The following DRD2 variants were observed in gnomAD, a reference collection of about 807,000 sequenced individuals.
DRD2 encodes the protein D(2) dopamine receptor.
Under a neutral mutation model 38.0 loss-of-function variants are expected in DRD2, and 8 were observed. That is an observed-to-expected ratio of 0.21 (90% CI 0.12 to 0.38). DRD2 has a LOEUF of 0.38. Ranked by LOEUF, DRD2 falls within the 10% of genes least tolerant of loss-of-function variation. The pLI, the probability that DRD2 is intolerant of heterozygous loss-of-function variation, is 1.00. For missense variants in DRD2, 403 were observed against 607.7 expected, an observed-to-expected ratio of 0.66 and a Z score of 3.54; for synonymous variants, 230 against 238.6, an observed-to-expected ratio of 0.96 and a Z score of 0.33.
intron 1 of DRD2, among the ~76,000 whole-genome samples, chr11:113,448,278 G>A (rs1951172455): frequency 6.6e-6 from 1 of 152,178 alleles, no homozygotes; most frequent in Non-Finnish European, 1.5e-5. Flanking sequence ...GGGTAAGGGG[G>A]TCTGACTTCA....
intron 1 of DRD2, chr11:113,450,114 T>G (rs1377464847): frequency 1.3e-5 from 2 of 154,606 alleles, no homozygotes; most frequent in African/African-American, 4.8e-5. Context: ...GGATCCTTAG[T>G]CTATTGTTGC....
At chr11:113,452,200 G>A (rs895084198) in intron 1 of DRD2, among the ~76,000 whole-genome samples, 1 of 152,178 alleles carries the variant, frequency 6.6e-6, no homozygotes, top group African/African-American at 2.4e-5. Context: ...CATGTTTCAG[G>A]TAATTGAGAG....
chr11:113,433,779 G>T (rs535267495), intron 1 of DRD2, among the ~76,000 whole-genome samples: 2 of 152,282 alleles, frequency 1.3e-5, no homozygotes, highest in East Asian at 3.9e-4. Flanking sequence ...CTGTGGCCCA[G>T]CTTGAGGTTG....
intron 1 of DRD2, among the ~76,000 whole-genome samples, chr11:113,445,675 A>G: frequency 6.6e-6 from 1 of 152,210 alleles, no homozygotes; most frequent in East Asian, 1.9e-4. Context: ...GCAGAAAAGG[A>G]GGAGAGGGGA....
intron 1 of DRD2, among the ~76,000 whole-genome samples, chr11:113,463,091 T>C (rs1272402643): frequency 6.6e-6 from 1 of 152,222 alleles, no homozygotes; most frequent in Non-Finnish European, 1.5e-5. Flanking sequence ...GGAATGTTGG[T>C]GGTGCTGTAG....
intron 1 of DRD2, chr11:113,450,098 A>G (rs1400778909): frequency 6.5e-6 from 1 of 154,672 alleles, no homozygotes; most frequent in Non-Finnish European, 1.5e-5. Flanking sequence ...TAAACTGGAG[A>G]GAATGGGATC....
intron 2 of DRD2, 57 bp from the exon 3 acceptor site, chr11:113,418,193 C>T: frequency 6.9e-7 from 1 of 1,446,688 alleles, no homozygotes; most frequent in South Asian, 1.2e-5. Flanking sequence ...AGCTTAGGTC[C>T]TGTAGCCTGG....
At chr11:113,446,090 CA>C (rs1241320965) in intron 1 of DRD2, among the ~76,000 whole-genome samples, 1 of 152,186 alleles carries the variant, frequency 6.6e-6, no homozygotes, top group African/African-American at 2.4e-5. Flanking sequence ...ACCTCAGCGG[CA>C]TGTTTCACTC....
chr11:113,433,744 G>C (rs546422964), intron 1 of DRD2, among the ~76,000 whole-genome samples: 1 of 152,266 alleles, frequency 6.6e-6, no homozygotes, highest in African/African-American at 2.4e-5. Flanking sequence ...TGGAGCCAGA[G>C]AGTGGCTACA....
At chr11:113,452,755 C>A (rs1306812576) in intron 1 of DRD2, among the ~76,000 whole-genome samples, 1 of 151,340 alleles carries the variant, frequency 6.6e-6, no homozygotes, top group Non-Finnish European at 1.5e-5. Flanking sequence ...TCAAGCAATT[C>A]TCCTGCCTCA....
chr11:113,418,995 C>T (rs529977948), intron 2 of DRD2, among the ~76,000 whole-genome samples: 14 of 152,352 alleles, frequency 9.2e-5, no homozygotes, highest in Middle Eastern at 3.4e-3. Context: ...TGTTATCACT[C>T]AGCCATACCT....
intron 2 of DRD2, among the ~76,000 whole-genome samples, chr11:113,420,326 A>G (rs530832721): frequency 6.6e-6 from 1 of 152,312 alleles, no homozygotes; most frequent in Non-Finnish European, 1.5e-5. Flanking sequence ...TCCTGCCTTC[A>G]TGGACATCTT....
intron 1 of DRD2, among the ~76,000 whole-genome samples, chr11:113,463,231 A>C (rs575418071): frequency 6.6e-6 from 1 of 152,196 alleles, no homozygotes; most frequent in Non-Finnish European, 1.5e-5. Flanking sequence ...AGCAATTTTG[A>C]ACCCAGAAAT....
intron 5 of DRD2, among the ~76,000 whole-genome samples, chr11:113,414,836 C>CA (rs929372502): frequency 2.6e-5 from 4 of 152,040 alleles, no homozygotes; most frequent in Non-Finnish European, 4.4e-5. Context: ...GGTCACTCAG[C>CA]AAAAAAAGTG....
At chr11:113,448,516 T>C (rs968826094) in intron 1 of DRD2, among the ~76,000 whole-genome samples, 1 of 152,232 alleles carries the variant, frequency 6.6e-6, no homozygotes, top group Non-Finnish European at 1.5e-5. Flanking sequence ...AGGTGGCATC[T>C]CAGTAATTGC....
chr11:113,448,702 G>A (rs1021835671), intron 1 of DRD2, among the ~76,000 whole-genome samples: 10 of 152,182 alleles, frequency 6.6e-5, no homozygotes, highest in African/African-American at 1.7e-4. Context: ...TGTCACTTCC[G>A]AGAGGGGACT....
chr11:113,439,744 TAGG>T (rs566127843), intron 1 of DRD2, among the ~76,000 whole-genome samples: 52 of 139,672 alleles, frequency 3.7e-4, no homozygotes, highest in Middle Eastern at 7.9e-3. Flanking sequence ...GAGGCTGAGG[TAGG>T]AGAATCGCCT....
At chr11:113,427,555 C>T (rs1313590804) in intron 1 of DRD2, among the ~76,000 whole-genome samples, 1 of 152,200 alleles carries the variant, frequency 6.6e-6, no homozygotes, top group Non-Finnish European at 1.5e-5. Context: ...TCTTTCCCAA[C>T]TCTTGACTCT....
chr11:113,442,890 C>T (rs918337882), intron 1 of DRD2, among the ~76,000 whole-genome samples: 3 of 152,158 alleles, frequency 2.0e-5, no homozygotes, highest in Non-Finnish European at 2.9e-5. Flanking sequence ...TGCCCATTAC[C>T]TTTGTGCCTT....
Sources: gnomAD v4.1 joint callset for allele counts (sites outside exome capture counted in the v4.1 genomes callset) on GRCh38, gnomAD v4.1.1 for gene constraint, MANE v1.5 for transcripts, NCBI Gene and HGNC (gene_info 2026-07-23, HGNC 2026-07-21) for gene names.